SMARCC1: variants seen among roughly 807,000 people sequenced by gnomAD.
The protein encoded by SMARCC1 is SWI/SNF complex subunit SMARCC1.
In SMARCC1, 43 loss-of-function variants were observed where a neutral mutation model predicts 147.4. The ratio of observed to expected loss-of-function variants is 0.29; its 90% CI spans 0.23 to 0.38. SMARCC1 has a LOEUF of 0.38. SMARCC1 is among the 10% of genes least tolerant of loss of function. The pLI is 1.00. For missense variants in SMARCC1, 1,119 were observed against 1,381.1 expected (o/e 0.81, Z 3.01); for synonymous variants, 495 against 484.4 (o/e 1.02, Z -0.29).
At chr3:47,690,784 T>C (rs535961295) in intron 12 of SMARCC1, among the ~76,000 whole-genome samples, 1 of 152,208 alleles carries the variant, frequency 6.6e-6, no homozygotes, top group African/African-American at 2.4e-5. Context: ...GGTGGCTTAA[T>C]GTGTGAGTTA....
At chr3:47,732,002 T>C (rs2034380222) in intron 5 of SMARCC1, among the ~76,000 whole-genome samples, 1 of 152,202 alleles carries the variant, frequency 6.6e-6, no homozygotes, top group African/African-American at 2.4e-5. Flanking sequence ...CAGTCCTAAA[T>C]AGCATCTTAT....
chr3:47,624,792 C>T (rs1181796103), intron 24 of SMARCC1, among the ~76,000 whole-genome samples: 3 of 151,608 alleles, frequency 2.0e-5, no homozygotes, highest in East Asian at 1.9e-4. Context: ...CTCATGCCTA[C>T]GCCTATAATC....
At chr3:47,735,995 A>ATCGTG in intron 5 of SMARCC1, 39 bp downstream of exon 5, 1 of 921,464 alleles carries the variant, frequency 1.1e-6, no homozygotes, top group South Asian at 1.8e-5. Context: ...AAATGAAGTG[A>ATCGTG]TCGTGTCTAT....
chr3:47,736,270 T>G (rs1328105108), intron 4 of SMARCC1, 144 bp from the exon 5 acceptor site: 13 of 553,994 alleles, frequency 2.3e-5, no homozygotes, highest in Non-Finnish European at 3.8e-5. Flanking sequence ...TTCAGCAACT[T>G]TTTCATTAAG....
intron 21 of SMARCC1, 65 bp from the exon 22 acceptor site, chr3:47,638,845 G>T: frequency 9.4e-7 from 1 of 1,068,458 alleles, no homozygotes; most frequent in Non-Finnish European, 1.5e-6. Context: ...TTATTATACA[G>T]CTGTGAGAGT....
At chr3:47,639,715 AAACCAACCAACCAACCAACC>A (rs58771135) in intron 21 of SMARCC1, among the ~76,000 whole-genome samples, 28 of 148,400 alleles carry the variant, frequency 1.9e-4, no homozygotes, top group South Asian at 2.2e-4. Flanking sequence ...CTACATCTCA[AAACCAACCAACCAACCAACC>A]AACCAACCAA....
At chr3:47,699,904 C>T (rs895186388) in intron 11 of SMARCC1, among the ~76,000 whole-genome samples, 1 of 151,586 alleles carries the variant, frequency 6.6e-6, no homozygotes, top group African/African-American at 2.4e-5. Context: ...TCTGGTTTTC[C>T]TAGGCTTTTT....
At chr3:47,655,467 C>A (rs1467320095) in intron 21 of SMARCC1, among the ~76,000 whole-genome samples, 1 of 151,822 alleles carries the variant, frequency 6.6e-6, no homozygotes, top group Non-Finnish European at 1.5e-5. Flanking sequence ...GAGGCTGAGG[C>A]GGGCAGATCA....
chr3:47,758,455 T>C (rs544113359), intron 2 of SMARCC1, among the ~76,000 whole-genome samples: 1 of 151,474 alleles, frequency 6.6e-6, no homozygotes, highest in African/African-American at 2.4e-5. Context: ...GCTTAAGCCC[T>C]AGAGGTCAAG....
chr3:47,612,774 A>T (rs1438808153), intron 25 of SMARCC1, among the ~76,000 whole-genome samples: 1 of 152,238 alleles, frequency 6.6e-6, no homozygotes, highest in Non-Finnish European at 1.5e-5. Context: ...ATAAGTGATT[A>T]AACACATACA....
At chr3:47,684,097 G>A (rs1223896903) in intron 14 of SMARCC1, among the ~76,000 whole-genome samples, 6 of 152,216 alleles carry the variant, frequency 3.9e-5, no homozygotes, top group East Asian at 1.9e-4. Flanking sequence ...AAAATTAGCC[G>A]GGCGTAGTGG....
chr3:47,619,078 A>C (rs954672366), intron 25 of SMARCC1, among the ~76,000 whole-genome samples: 3 of 152,034 alleles, frequency 2.0e-5, no homozygotes, highest in African/African-American at 7.2e-5. Context: ...AAACACAAAG[A>C]CTCATCCCCT....
intron 11 of SMARCC1, among the ~76,000 whole-genome samples, chr3:47,700,939 A>G (rs1276964682): frequency 6.6e-6 from 1 of 152,212 alleles, no homozygotes; most frequent in Non-Finnish European, 1.5e-5. Flanking sequence ...ATTTGCATCC[A>G]CATAAAGCAT....
chr3:47,733,485 G>A (rs2034401108), intron 5 of SMARCC1, among the ~76,000 whole-genome samples: 1 of 152,126 alleles, frequency 6.6e-6, no homozygotes, highest in African/African-American at 2.4e-5. Flanking sequence ...GCCGGGCAAG[G>A]TGGCTCATGA....
intron 18 of SMARCC1, among the ~76,000 whole-genome samples, chr3:47,674,928 T>C (rs957611907): frequency 6.6e-6 from 1 of 152,192 alleles, no homozygotes; most frequent in African/African-American, 2.4e-5. Context: ...AGAGACACAG[T>C]CTTGCTATGT....
chr3:47,637,839 A>G (rs1383806263), intron 22 of SMARCC1, among the ~76,000 whole-genome samples: 1 of 152,122 alleles, frequency 6.6e-6, no homozygotes, highest in Non-Finnish European at 1.5e-5. Context: ...GCTACTTTGA[A>G]GCTCTTCACA....
chr3:47,755,851 G>A (rs901003039), intron 2 of SMARCC1, among the ~76,000 whole-genome samples: 8 of 151,860 alleles, frequency 5.3e-5, no homozygotes, highest in East Asian at 3.9e-4. Context: ...GTAGCCAGGC[G>A]TGGTGGCAGG....
chr3:47,619,790 G>A (rs2032700716), intron 25 of SMARCC1, among the ~76,000 whole-genome samples: 1 of 152,170 alleles, frequency 6.6e-6, no homozygotes, highest in South Asian at 2.1e-4. Flanking sequence ...TGAGGGTGGG[G>A]TGGTATAGAG....
chr3:47,709,765 C>T (rs562785846), intron 9 of SMARCC1, among the ~76,000 whole-genome samples: 1 of 152,222 alleles, frequency 6.6e-6, no homozygotes, highest in Admixed American at 6.5e-5. Context: ...AAAGCTATCA[C>T]AAACCCAATA....
Sources: gnomAD v4.1 joint callset for allele counts (sites outside exome capture counted in the v4.1 genomes callset) on GRCh38, gnomAD v4.1.1 for gene constraint, MANE v1.5 for transcripts, NCBI Gene and HGNC (gene_info 2026-07-23, HGNC 2026-07-21) for gene names.